Variants in TBCCD1 observed in about 807,000 individuals in gnomAD.
TBCCD1 encodes the protein TBCC domain containing 1.
Under a neutral mutation model 53.4 loss-of-function variants are expected in TBCCD1, and 26 were observed. That is an observed-to-expected ratio of 0.49 (90% CI 0.36 to 0.68). The LOEUF is 0.68. Among genes scored for constraint, TBCCD1 ranks in the 30% least tolerant of loss-of-function variants. The pLI is 0.00. For synonymous variants in TBCCD1, 245 were observed against 241.7 expected, an observed-to-expected ratio of 1.01 and a Z score of -0.13; for missense variants, 558 against 669.5, an observed-to-expected ratio of 0.83 and a Z score of 1.84.
At chr3:186,552,422 T>C (rs1339050073) in intron 6 of TBCCD1, among the ~76,000 whole-genome samples, 5 of 152,156 alleles carry the variant, frequency 3.3e-5, no homozygotes, top group Admixed American at 1.3e-4. Context: ...GGGATGATGA[T>C]AGACCAAAGA....
upstream of TBCCD1, chr3:186,570,357 C>T (rs1714982189): frequency 5.8e-6 from 3 of 515,972 alleles, no homozygotes; most frequent in Admixed American, 1.0e-4. Flanking sequence ...ACTTCTCTCC[C>T]ACAATTGGTT....
chr3:186,560,297 A>G (rs1714659181), intron 2 of TBCCD1, among the ~76,000 whole-genome samples: 1 of 152,214 alleles, frequency 6.6e-6, no homozygotes, highest in Non-Finnish European at 1.5e-5. Flanking sequence ...GATAATAAAT[A>G]TTTGATTAAT....
chr3:186,551,363 T>A, intron 6 of TBCCD1, 84 bp from the exon 7 acceptor site: 3 of 1,260,718 alleles, frequency 2.4e-6, no homozygotes, highest in Non-Finnish European at 3.3e-6. Flanking sequence ...AATATTTTAA[T>A]AGGATAATGT....
chr3:186,556,492 C>G lies in TBCCD1; in HGVS notation c.776G>C (p.Trp259Ser). ...ATTCCCAGTCAAACAGGACCTCAACCAGGTTTCCAGTTTGTAGAAAGAGAA... is the reference window on the plus strand; with the variant it reads ...ATTCCCAGTCAAACAGGACCTCAACGAGGTTTCCAGTTTGTAGAAAGAGAA... ...KTFSFYKLETWLRSCLTGNPF... is the reference protein window; with the variant it reads ...KTFSFYKLETSLRSCLTGNPF... The change falls in exon 4 of 8, where the codon TGG (tryptophan) becomes TCG (serine). Residue 259 changes from tryptophan to serine, a missense_variant. Coordinates refer to ENST00000338733, the MANE Select transcript of TBCCD1 (RefSeq NM_018138.5). 1 of 1,609,432 alleles carries G rather than the reference C, an allele frequency of 6.2e-7. No homozygotes were observed. The highest frequency in any genetic ancestry group is 8.5e-7 in the Non-Finnish European group (1 of 1,178,990).
chr3:186,556,809 A>T, intron 3 of TBCCD1, 34 bp from the exon 4 acceptor site: 1 of 1,584,262 alleles, frequency 6.3e-7, no homozygotes, highest in Non-Finnish European at 8.5e-7. Flanking sequence ...ACTCTTAATA[A>T]AGAGATTCCA....
intron 6 of TBCCD1, 152 bp downstream of exon 6, chr3:186,554,102 C>T: frequency 9.6e-7 from 1 of 1,037,992 alleles, no homozygotes; most frequent in Non-Finnish European, 1.4e-6. Flanking sequence ...CCCACCTCGG[C>T]CTCCCAAAGT....
Position 186,554,548 on chromosome 3 carries a change from G to A in TBCCD1, c.1250C>T (p.Ala417Val). 3 of 1,614,222 alleles carry A rather than the reference G, an allele frequency of 1.9e-6. No homozygotes were observed. Among genetic ancestry groups the A allele is most frequent in the Non-Finnish European group, 8.5e-7 (1 of 1,180,048 alleles). ...CATTGGGTAATGTGTATGAAAAGGG[G>A]CAAAAGTTACTGTCTGGTTCCCAGA... The part of the protein sequence containing the change: ...ILSGNQTVTF[A>V]PFHTHYPMLE... The change falls in exon 6 of 8, where the codon GCC becomes GTC. Residue 417 changes from alanine (A) to valine (V), a missense_variant. By Grantham distance (64) the Ala-to-Val change is moderately conservative. Coordinates refer to ENST00000338733, the MANE Select transcript of TBCCD1 (RefSeq NM_018138.5).
upstream of TBCCD1, chr3:186,567,359 G>C (rs141960256): frequency 6.6e-6 from 1 of 152,346 alleles, no homozygotes; most frequent in Non-Finnish European, 1.5e-5. Flanking sequence ...TCCTCCGCGC[G>C]CCGCTGCCGT....
At position 186,558,454 on chromosome 3, in the gene TBCCD1, G is replaced by A; in HGVS notation, c.455C>T (p.Ser152Phe). Residue 152 changes from serine to phenylalanine, a missense_variant, in exon 3 of 8, where the codon TCT (serine) becomes TTT (phenylalanine). Physicochemically the swap from Ser to Phe is radical, Grantham distance 155. Transcript: ENST00000338733. ...EWPSPRNKSQ[S>F]PDLTEKSNCH... ...ATTAGATTTTTCAGTCAGGTCAGGA[G>A]ACTGAGATTTGTTTCTGGGACTGGG... 1 of 1,614,156 alleles carries A rather than the reference G, an allele frequency of 6.2e-7. No individual in the cohort carries two copies. Among genetic ancestry groups the A allele is most frequent in the Non-Finnish European group, 8.5e-7 (1 of 1,180,018 alleles).
intron 3 of TBCCD1, among the ~76,000 whole-genome samples, chr3:186,557,948 A>T (rs1714587595): frequency 6.6e-6 from 1 of 152,364 alleles, no homozygotes; most frequent in Admixed American, 6.5e-5. Context: ...GAAAGAAAAA[A>T]GCAATAAGAC....
At chr3:186,560,124 T>G (rs1714651844) in intron 2 of TBCCD1, among the ~76,000 whole-genome samples, 1 of 143,716 alleles carries the variant, frequency 7.0e-6, no homozygotes, top group African/African-American at 2.7e-5. Context: ...ATTATCATTA[T>G]TTCTTCATGG....
intron 6 of TBCCD1, among the ~76,000 whole-genome samples, chr3:186,552,963 T>C (rs1240148837): frequency 6.6e-6 from 1 of 152,266 alleles, no homozygotes; most frequent in Admixed American, 6.5e-5. Flanking sequence ...CTGGTAAGTA[T>C]GGTAAAGGCT....
Position 186,554,442 on chromosome 3 carries a change from G to T in TBCCD1, c.1356C>A (p.Asn452Lys). Residue 452 changes from asparagine to lysine, a missense_variant, in exon 6 of 8, where the codon AAC (asparagine) becomes AAA (lysine). By Grantham distance (94) the Asn-to-Lys change is moderately conservative. Transcript: ENST00000338733. ...AAAGCTGGAAGACTCTTGTGTCGCT[G>T]TTCTCTCTGCACACAACCATTGGAT... Reference protein sequence around the residue: ...WDNPMVVCRENSDTRVFQLLP... With the variant: ...WDNPMVVCREKSDTRVFQLLP... 1 of 1,614,220 alleles carries T rather than the reference G, an allele frequency of 6.2e-7. No individual in the cohort carries two copies. Among genetic ancestry groups the T allele is most frequent in the Non-Finnish European group, 8.5e-7 (1 of 1,180,042 alleles).
chr3:186,557,304 G>GA (rs1351700376), intron 3 of TBCCD1, among the ~76,000 whole-genome samples: 1 of 152,228 alleles, frequency 6.6e-6, no homozygotes, highest in Non-Finnish European at 1.5e-5. Context: ...AAGGCCTAGA[G>GA]AAGTTAACTG....
At chr3:186,557,057 C>A (rs565688414) in intron 3 of TBCCD1, among the ~76,000 whole-genome samples, 1 of 152,280 alleles carries the variant, frequency 6.6e-6, no homozygotes, top group South Asian at 2.1e-4. Context: ...CCTGGGGGAA[C>A]TGACTGGCCC....
intron 4 of TBCCD1, 115 bp downstream of exon 4, chr3:186,556,294 G>C: frequency 1.7e-6 from 2 of 1,180,648 alleles, no homozygotes; most frequent in Non-Finnish European, 2.3e-6. Context: ...CTCTTTTATA[G>C]GAGCAGTATT....
chr3:186,549,656 T>C (rs1714313442), intron 7 of TBCCD1, among the ~76,000 whole-genome samples: 1 of 152,136 alleles, frequency 6.6e-6, no homozygotes, highest in Admixed American at 6.5e-5. Context: ...ACCTCATCTC[T>C]AGAAAAAGAA....
In TBCCD1 at chr3:186,554,292, C is replaced by T. The variant is rs544065438; in HGVS notation, c.1506G>A (p.Gln502=). The change falls in exon 6 of 8, where the codon CAG becomes CAA. Residue 502 remains glutamine, a synonymous_variant. Coordinates refer to ENST00000338733, the MANE Select transcript of TBCCD1 (RefSeq NM_018138.5). The part of the protein sequence containing the change: ...KALGQREQKI[Q]IWQKTVKEAH... ...CCTCCTTCACAGTTTTCTGCCAGAT[C>T]TGTATCTTCTGTTCTCTTTGACCCA... 6.2e-7 allele frequency: 1 copy of T among 1,614,098 alleles called. No homozygotes were observed. The highest frequency in any genetic ancestry group is 1.1e-5 in the South Asian group (1 of 91,068).
intron 4 of TBCCD1, 147 bp from the exon 5 acceptor site, chr3:186,555,231 G>A: frequency 1.5e-6 from 1 of 668,904 alleles, no homozygotes; most frequent in Non-Finnish European, 2.3e-6. Flanking sequence ...GCTTTGGATA[G>A]AGGTATTTGC....
Sources: allele counts gnomAD v4.1 joint callset (sites outside exome capture counted in the v4.1 genomes callset), GRCh38; gene constraint gnomAD v4.1.1; transcripts MANE v1.5; gene names NCBI Gene and HGNC (gene_info 2026-07-23, HGNC 2026-07-21).